Variants in ZBTB20 observed in about 807,000 individuals in gnomAD.
The protein encoded by ZBTB20 is zinc finger and BTB domain containing 20.
In ZBTB20, 9 loss-of-function variants were observed where a neutral mutation model predicts 56.9. The observed-to-expected ratio is 0.16, with a 90% CI of 0.10 to 0.28. The LOEUF is 0.28. Ranked by LOEUF, ZBTB20 falls within the 10% of genes least tolerant of loss-of-function variation. The pLI, the probability that ZBTB20 is intolerant of heterozygous loss-of-function variation, is 1.00. For synonymous variants in ZBTB20, 417 were observed against 420.7 expected, an observed-to-expected ratio of 0.99 and a Z score of 0.11; for missense variants, 655 against 1,003.0, an observed-to-expected ratio of 0.65 and a Z score of 4.69.
intron 7 of ZBTB20, among the ~76,000 whole-genome samples, chr3:114,399,195 T>C (rs1011384298): frequency 2.6e-5 from 4 of 152,152 alleles, no homozygotes; most frequent in Non-Finnish European, 4.4e-5. Context: ...GAGAAAAGTA[T>C]AGCTTTCTTT....
intron 6 of ZBTB20, among the ~76,000 whole-genome samples, chr3:114,567,435 C>A (rs2052907042): frequency 6.6e-6 from 1 of 152,140 alleles, no homozygotes; most frequent in African/African-American, 2.4e-5. Flanking sequence ...GATAAAATTT[C>A]TATGGTCCCT....
intron 2 of ZBTB20, among the ~76,000 whole-genome samples, chr3:114,986,731 A>G (rs778607114): frequency 1.3e-5 from 2 of 152,106 alleles, no homozygotes; most frequent in East Asian, 1.9e-4. Context: ...TAAACGCATT[A>G]TATGTTTTTC....
At chr3:114,945,467 A>G (rs1227302049) in intron 3 of ZBTB20, among the ~76,000 whole-genome samples, 3 of 145,402 alleles carry the variant, frequency 2.1e-5, no homozygotes, top group Non-Finnish European at 4.4e-5. Context: ...AGAGAGGGAC[A>G]AATATAATTA....
chr3:114,806,638 AG>A (rs1306274921), intron 4 of ZBTB20, among the ~76,000 whole-genome samples: 3 of 151,966 alleles, frequency 2.0e-5, no homozygotes, highest in Non-Finnish European at 4.4e-5. Context: ...TATTGAATCA[AG>A]CTTTTGGTGT....
intron 2 of ZBTB20, among the ~76,000 whole-genome samples, chr3:115,063,681 AC>A (rs1560539081): frequency 3.9e-4 from 59 of 151,020 alleles, no homozygotes; most frequent in African/African-American, 1.1e-3. Flanking sequence ...ACACACACAC[AC>A]AAACACACAC....
chr3:114,903,474 T>G (rs1434226975), intron 3 of ZBTB20, among the ~76,000 whole-genome samples: 1 of 152,024 alleles, frequency 6.6e-6, no homozygotes, highest in African/African-American at 2.4e-5. Flanking sequence ...GACATCACCC[T>G]ACAGTCCAGC....
chr3:115,061,054 T>C (rs2081995139), intron 2 of ZBTB20, among the ~76,000 whole-genome samples: 2 of 152,142 alleles, frequency 1.3e-5, no homozygotes. Flanking sequence ...TGATGTTCAG[T>C]CAAAGAAAGT....
At chr3:115,091,550 T>G (rs943629122) in intron 1 of ZBTB20, among the ~76,000 whole-genome samples, 1 of 151,812 alleles carries the variant, frequency 6.6e-6, no homozygotes, top group Non-Finnish European at 1.5e-5. Context: ...AAAGAGAAAA[T>G]GGTCATTTTA....
chr3:114,785,711 A>G (rs1206626855), intron 5 of ZBTB20, among the ~76,000 whole-genome samples: 1 of 152,130 alleles, frequency 6.6e-6, no homozygotes, highest in Admixed American at 6.5e-5. Context: ...ACACATTACC[A>G]CGGTCAAGAT....
chr3:114,947,844 AC>A (rs2076935525), intron 3 of ZBTB20, among the ~76,000 whole-genome samples: 1 of 145,774 alleles, frequency 6.9e-6, no homozygotes, highest in African/African-American at 2.8e-5. Context: ...AAACTTTCTG[AC>A]TCAAATAGTT....
At chr3:115,010,045 C>T (rs2079633721) in intron 2 of ZBTB20, among the ~76,000 whole-genome samples, 1 of 151,894 alleles carries the variant, frequency 6.6e-6, no homozygotes, top group Admixed American at 6.6e-5. Context: ...TTTGTCTTTC[C>T]TTTCCTACTT....
intron 6 of ZBTB20, among the ~76,000 whole-genome samples, chr3:114,538,671 C>G (rs1051532997): frequency 6.6e-6 from 1 of 152,138 alleles, no homozygotes; most frequent in South Asian, 2.1e-4. Context: ...ATATTCTGCT[C>G]TCTGTCTAAG....
At chr3:115,133,202 T>G (rs1053477318) in intron 1 of ZBTB20, among the ~76,000 whole-genome samples, 1 of 152,212 alleles carries the variant, frequency 6.6e-6, no homozygotes, top group Non-Finnish European at 1.5e-5. Flanking sequence ...TTCTACTTCT[T>G]CTTAGGTCAA....
chr3:114,829,529 A>G (rs142590244), intron 4 of ZBTB20, among the ~76,000 whole-genome samples: 1 of 151,882 alleles, frequency 6.6e-6, no homozygotes, highest in African/African-American at 2.4e-5. Flanking sequence ...CAGAGTAACA[A>G]GTATTGCCAA....
Position 115,122,339 on chromosome 3 carries a change from C to T in ZBTB20, c.-703+24880G>A, listed in dbSNP as rs186654109. ...TTTTTTTTTCATATTTGGTTCCTCC[C>T]TATTGACTTTTGATTGCAAGACCAA... On this transcript the variant is annotated intron_variant, in intron 1 of 11. Coordinates refer to ENST00000675478, the MANE Select transcript of ZBTB20 (RefSeq NM_001348800.3). Among the ~76,000 whole-genome samples the T allele has an allele frequency of 5.9e-3, 897 of 152,052 alleles. 8 individuals are homozygous for T. Among genetic ancestry groups the T allele is most frequent in the Middle Eastern group, 0.024 (7 of 294 alleles).
chr3:114,768,576 G>A (rs546402855), intron 5 of ZBTB20, among the ~76,000 whole-genome samples: 1 of 152,226 alleles, frequency 6.6e-6, no homozygotes, highest in East Asian at 1.9e-4. Flanking sequence ...TAATTTCAAT[G>A]TTTTAATGGC....
intron 10 of ZBTB20, among the ~76,000 whole-genome samples, chr3:114,376,914 T>G (rs997332329): frequency 6.6e-6 from 1 of 152,166 alleles, no homozygotes; most frequent in Non-Finnish European, 1.5e-5. Context: ...ATGGGAGCCT[T>G]ATTTGGGGGA....
chr3:114,370,773 C>A (rs562154690), intron 10 of ZBTB20, among the ~76,000 whole-genome samples: 1 of 152,346 alleles, frequency 6.6e-6, no homozygotes, highest in African/African-American at 2.4e-5. Flanking sequence ...TGTTAGTTGT[C>A]TCCACTGGGA....
At chr3:114,664,586 T>C (rs1198641744) in intron 6 of ZBTB20, among the ~76,000 whole-genome samples, 1 of 145,592 alleles carries the variant, frequency 6.9e-6, no homozygotes, top group East Asian at 2.0e-4. Context: ...CATAGGTCTA[T>C]TATTTGCCCA....
Sources: allele counts gnomAD v4.1 joint callset (sites outside exome capture counted in the v4.1 genomes callset), GRCh38; gene constraint gnomAD v4.1.1; transcripts MANE v1.5; gene names NCBI Gene and HGNC (gene_info 2026-07-23, HGNC 2026-07-21).